The following PTPRN2 variants were observed in gnomAD, a reference collection of about 807,000 sequenced individuals.
PTPRN2 encodes the protein receptor-type tyrosine-protein phosphatase N2.
Under a neutral mutation model 118.8 loss-of-function variants are expected in PTPRN2, and 74 were observed. The observed-to-expected ratio is 0.62, with a 90% CI of 0.52 to 0.76. The LOEUF (loss-of-function observed/expected upper bound fraction) is 0.76. Among genes scored for constraint, PTPRN2 ranks in the 30% least tolerant of loss-of-function variants. The pLI, the probability that PTPRN2 is intolerant of heterozygous loss-of-function variation, is 0.00. For synonymous variants in PTPRN2, 641 were observed against 608.0 expected (o/e 1.05, Z -0.80); for missense variants, 1,481 against 1,394.4 (o/e 1.06, Z -0.99).
At chr7:158,364,066 T>C (rs1809230658) in intron 2 of PTPRN2, among the ~76,000 whole-genome samples, 1 of 152,220 alleles carries the variant, frequency 6.6e-6, no homozygotes, top group African/African-American at 2.4e-5. Flanking sequence ...TTCTAGCCAA[T>C]GGGGCTTTGG....
In PTPRN2 at chr7:157,789,675, C is replaced by CATGT. The variant is rs1029777488; in HGVS notation, c.1789-106742_1789-106739dup. Among the ~76,000 whole-genome samples the CATGT allele has an allele frequency of 5.4e-4, 17 of 31,608 alleles. No homozygotes were observed. The African/African-American group carries it at 5.5e-3, about 10-fold the overall frequency. The allele number at this position is 31,608 out of a possible 152,430, so 20.7% of individuals were successfully genotyped here. A position where few individuals can be genotyped will look rare whatever the true frequency, so the allele number is the denominator to read the frequency against. The stretch of plus-strand genomic sequence containing the variant: ...GTGATATGTGTGTGTGGTATGTGTG[C>CATGT]ATGTATGTGTGTGGGGGTATGTGTG... On this transcript the variant is annotated intron_variant, in intron 12 of 22. Transcript: ENST00000389418.
chr7:158,566,291 T>C (rs1167088742), intron 1 of PTPRN2, among the ~76,000 whole-genome samples: 4 of 151,360 alleles, frequency 2.6e-5, no homozygotes, highest in Non-Finnish European at 4.4e-5. Context: ...GAGGAGGAAA[T>C]TGCAGTGAGC....
chr7:158,423,283 G>A (rs1213897059), intron 2 of PTPRN2, among the ~76,000 whole-genome samples: 2 of 152,220 alleles, frequency 1.3e-5, no homozygotes, highest in Admixed American at 6.5e-5. Context: ...TGAGCAGCAC[G>A]GCAGTGAAGG....
At chr7:158,503,641 TAC>T (rs1431560637) in intron 1 of PTPRN2, among the ~76,000 whole-genome samples, 1 of 152,196 alleles carries the variant, frequency 6.6e-6, no homozygotes, top group Non-Finnish European at 1.5e-5. Flanking sequence ...AACAAAAAGT[TAC>T]AGATATTAGT....
At chr7:158,317,878 C>T (rs150907820) in intron 2 of PTPRN2, among the ~76,000 whole-genome samples, 131 of 152,316 alleles carry the variant, frequency 8.6e-4, no homozygotes, top group South Asian at 3.9e-3. Flanking sequence ...TATATGCTCA[C>T]GACGACGGGG....
intron 13 of PTPRN2, among the ~76,000 whole-genome samples, chr7:157,661,501 C>G (rs534653485): frequency 6.6e-6 from 1 of 152,264 alleles, no homozygotes; most frequent in Admixed American, 6.5e-5. Context: ...GGCGCTGCTC[C>G]GCTCTGAACC....
chr7:157,654,571 G>A lies in PTPRN2; in HGVS notation c.2196+1786C>T, dbSNP rs572013473. On this transcript the variant is annotated intron_variant, in intron 14 of 22. Coordinates refer to ENST00000389418, the MANE Select transcript of PTPRN2 (RefSeq NM_002847.5). Reference sequence around the variant, plus strand: ...GAGACGCGTTCCGAAACAGGACCCCGTCACGGTGTGTGGCCCTCGATGACC... The same window carrying A: ...GAGACGCGTTCCGAAACAGGACCCCATCACGGTGTGTGGCCCTCGATGACC... Among the ~76,000 whole-genome samples, 7 of 152,296 alleles carry A rather than the reference G, an allele frequency of 4.6e-5. No homozygotes were observed. The East Asian group carries it at 1.2e-3, about 25-fold the overall frequency.
At chr7:158,334,533 C>T (rs1478164545) in intron 2 of PTPRN2, among the ~76,000 whole-genome samples, 55 of 103,866 alleles carry the variant, frequency 5.3e-4, no homozygotes, top group African/African-American at 2.0e-3. Flanking sequence ...CACCTGCAGA[C>T]GTCACTCACA....
Position 157,974,773 on chromosome 7 carries a change from G to A in PTPRN2, c.1724-76036C>T, listed in dbSNP as rs1053609477. 3.3e-5 allele frequency among the ~76,000 whole-genome samples: 5 copies of A among 152,154 alleles called. No individual in the cohort carries two copies. In the East Asian group the frequency reaches 7.8e-4, roughly 24 times the overall value. ...TGGTGGATTTGCAAATTTCCAGGGC[G>A]GTGGGGGGTCTGGCAAGTGTAGACA... is the stretch of plus-strand genomic sequence containing the variant. On this transcript the variant is annotated intron_variant, in intron 11 of 22. Coordinates refer to ENST00000389418, the MANE Select transcript of PTPRN2 (RefSeq NM_002847.5). The surrounding 1 kb of genome is among the most constrained non-coding windows in gnomAD (Gnocchi z 4.0).
chr7:157,709,835 G>A (rs1019752902), intron 12 of PTPRN2, among the ~76,000 whole-genome samples: 14 of 152,246 alleles, frequency 9.2e-5, no homozygotes, highest in Admixed American at 2.0e-4. Flanking sequence ...TGGAATTCAA[G>A]GATGGACAAT....
chr7:158,446,668 G>A (rs1331465970), intron 2 of PTPRN2, among the ~76,000 whole-genome samples: 4 of 152,272 alleles, frequency 2.6e-5, no homozygotes, highest in African/African-American at 9.6e-5. Flanking sequence ...AGATTACTTG[G>A]TTGATGAGAA....
At chr7:157,936,453 C>A (rs746270264) in intron 11 of PTPRN2, among the ~76,000 whole-genome samples, 26 of 152,206 alleles carry the variant, frequency 1.7e-4, no homozygotes, top group Non-Finnish European at 3.4e-4. Context: ...GGCCACCCCA[C>A]CTGTTTCTCT....
In PTPRN2 at chr7:157,617,771, C is replaced by T. The variant is rs1373487465; in HGVS notation, c.2344+3591G>A. 3 of 152,302 alleles carry T rather than the reference C, an allele frequency of 2.0e-5. No individual in the cohort carries two copies. Among genetic ancestry groups the T allele is most frequent in the African/African-American group, 7.2e-5 (3 of 41,470 alleles). The allele number at this position is 152,302 out of a possible 1,614,324, so 9.4% of individuals were successfully genotyped here. On this transcript the variant is annotated intron_variant, in intron 15 of 22. Coordinates refer to ENST00000389418, the MANE Select transcript of PTPRN2 (RefSeq NM_002847.5). The surrounding 1 kb of genome is among the most constrained non-coding windows in gnomAD (Gnocchi z 7.5). Reference sequence around the variant, plus strand: ...CTCAGAAGCTGGGAGATGTGAACCCCACATGACTCTCCTCCTTGCTGTCTT... The same window carrying T: ...CTCAGAAGCTGGGAGATGTGAACCCTACATGACTCTCCTCCTTGCTGTCTT...
At chr7:157,870,340 C>T (rs1810976359) in intron 12 of PTPRN2, among the ~76,000 whole-genome samples, 1 of 152,206 alleles carries the variant, frequency 6.6e-6, no homozygotes, top group Admixed American at 6.5e-5. Flanking sequence ...TAGGATTCAT[C>T]TTCAATATCA....
intron 11 of PTPRN2, among the ~76,000 whole-genome samples, chr7:158,075,848 C>A (rs2128925896): frequency 6.6e-6 from 1 of 152,342 alleles, no homozygotes; most frequent in Admixed American, 6.5e-5. Flanking sequence ...CCAGGAGCCC[C>A]CAGCCTGCGT....
At chr7:157,625,039 T>C (rs1289794866) in intron 14 of PTPRN2, among the ~76,000 whole-genome samples, 2 of 152,148 alleles carry the variant, frequency 1.3e-5, no homozygotes, top group African/African-American at 4.8e-5. Flanking sequence ...AATACCACCT[T>C]CCTCCTGCAA....
chr7:158,144,443 G>C (rs1310274967), intron 6 of PTPRN2, among the ~76,000 whole-genome samples: 3 of 152,180 alleles, frequency 2.0e-5, no homozygotes, highest in Admixed American at 2.0e-4. Context: ...TTGGAGACCA[G>C]CCTGAGCAAT....
At chr7:158,523,563 GTGGAGT>G (rs1824436110) in intron 1 of PTPRN2, among the ~76,000 whole-genome samples, 1 of 134,482 alleles carries the variant, frequency 7.4e-6, no homozygotes, top group African/African-American at 2.9e-5. Context: ...CTGCCCTGGA[GTGGAGT>G]CGTCTGCCCT....
intron 11 of PTPRN2, among the ~76,000 whole-genome samples, chr7:158,056,099 A>C (rs1327894244): frequency 6.6e-6 from 1 of 152,114 alleles, no homozygotes; most frequent in Non-Finnish European, 1.5e-5. Flanking sequence ...GCTCTGCTCT[A>C]ATGCAGACCT....
Sources: gnomAD v4.1 joint callset for allele counts (sites outside exome capture counted in the v4.1 genomes callset) on GRCh38, gnomAD v4.1.1 for gene constraint, Gnocchi (gnomAD v3.1) non-coding constraint, MANE v1.5 for transcripts, NCBI Gene and HGNC (gene_info 2026-07-23, HGNC 2026-07-21) for gene names.